Variants in ABCC1 observed in about 807,000 individuals in gnomAD.
ABCC1 encodes ATP binding cassette subfamily C member 1 (ABCC1 blood group).
A neutral mutation model predicts 172.9 loss-of-function variants in ABCC1; 83 were observed. The observed-to-expected ratio is 0.48, with a 90% CI of 0.40 to 0.58. The LOEUF (loss-of-function observed/expected upper bound fraction) is 0.58. ABCC1 is among the 20% of genes least tolerant of loss of function. The pLI, the probability that ABCC1 is intolerant of heterozygous loss-of-function variation, is 0.00. For missense variants in ABCC1, 1,817 were observed against 2,002.7 expected (o/e 0.91, Z 1.77); for synonymous variants, 937 against 825.2 (o/e 1.14, Z -2.32).
intron 1 of ABCC1, among the ~76,000 whole-genome samples, chr16:15,951,313 T>C (rs1168732729): frequency 6.6e-6 from 1 of 152,222 alleles, no homozygotes. Flanking sequence ...AATTGGTAGT[T>C]GATGGCTAAT....
At chr16:16,067,429 A>G (rs1336983388) in intron 12 of ABCC1, among the ~76,000 whole-genome samples, 1 of 152,132 alleles carries the variant, frequency 6.6e-6, no homozygotes, top group Admixed American at 6.6e-5. Flanking sequence ...ATTTGGACCA[A>G]ATCTTCCAAC....
intron 22 of ABCC1, among the ~76,000 whole-genome samples, chr16:16,114,323 A>T (rs1447552456): frequency 6.6e-6 from 1 of 151,982 alleles, no homozygotes; most frequent in East Asian, 1.9e-4. Context: ...AGCTGCCATT[A>T]TCATCATCAT....
At chr16:16,012,822 A>G (rs943609230) in intron 3 of ABCC1, among the ~76,000 whole-genome samples, 1 of 151,740 alleles carries the variant, frequency 6.6e-6, no homozygotes, top group Non-Finnish European at 1.5e-5. Context: ...AACTGGGATT[A>G]CAGGCACGCG....
At chr16:16,048,686 GTCT>G (rs796766342) in intron 10 of ABCC1, among the ~76,000 whole-genome samples, 9 of 152,240 alleles carry the variant, frequency 5.9e-5, no homozygotes, top group African/African-American at 1.9e-4. Flanking sequence ...ATATAAATCT[GTCT>G]TAAAGTAGCC....
intron 24 of ABCC1, among the ~76,000 whole-genome samples, chr16:16,123,165 T>G (rs2045241865): frequency 6.6e-6 from 1 of 152,144 alleles, no homozygotes; most frequent in East Asian, 1.9e-4. Context: ...TCAGAATTTT[T>G]AGGGAGTTTG....
At chr16:16,074,468 G>A (rs1005122290) in intron 14 of ABCC1, among the ~76,000 whole-genome samples, 1 of 152,092 alleles carries the variant, frequency 6.6e-6, no homozygotes, top group African/African-American at 2.4e-5. Flanking sequence ...GCGGTGGGTG[G>A]GGGGTGGTTT....
At chr16:16,026,465 C>CTTTTTTTTTTTTTTT (rs1157942197) in intron 5 of ABCC1, among the ~76,000 whole-genome samples, 1 of 95,498 alleles carries the variant, frequency 1.0e-5, no homozygotes, top group African/African-American at 4.1e-5. Context: ...AGGCTATTTC[C>CTTTTTTTTTTTTTTT]TTTTTTTTTT....
intron 27 of ABCC1, among the ~76,000 whole-genome samples, chr16:16,133,407 G>GTT (rs2045784397): frequency 7.0e-6 from 1 of 143,696 alleles, no homozygotes; most frequent in Non-Finnish European, 1.5e-5. Flanking sequence ...TTTTTGTTTT[G>GTT]TTTTGTTTTG....
chr16:15,959,583 C>A (rs1567274035), intron 1 of ABCC1, among the ~76,000 whole-genome samples: 6 of 152,224 alleles, frequency 3.9e-5, no homozygotes, highest in Admixed American at 2.6e-4. Flanking sequence ...GCCTCGGCCT[C>A]CCAAAGTGCT....
intron 1 of ABCC1, among the ~76,000 whole-genome samples, chr16:15,987,707 C>T (rs1436504068): frequency 6.6e-6 from 1 of 152,216 alleles, no homozygotes; most frequent in Non-Finnish European, 1.5e-5. Context: ...CTCAGGTCAC[C>T]CTGCGTGAAA....
At chr16:16,103,388 TG>T (rs1221194871) in intron 20 of ABCC1, among the ~76,000 whole-genome samples, 2 of 152,092 alleles carry the variant, frequency 1.3e-5, no homozygotes, top group Non-Finnish European at 2.9e-5. Context: ...AAGACCAGCC[TG>T]GCCAACATGA....
At chr16:16,128,732 C>T (rs1032294329) in intron 26 of ABCC1, among the ~76,000 whole-genome samples, 4 of 152,208 alleles carry the variant, frequency 2.6e-5, no homozygotes, top group Non-Finnish European at 4.4e-5. Context: ...GACACAGTGG[C>T]CCACGCCTGC....
At chr16:15,990,203 T>G (rs536749425) in intron 1 of ABCC1, among the ~76,000 whole-genome samples, 1 of 152,216 alleles carries the variant, frequency 6.6e-6, no homozygotes, top group South Asian at 2.1e-4. Context: ...TACAGGCGTC[T>G]GCCACCACAC....
At chr16:15,974,666 T>C (rs1178383913) in intron 1 of ABCC1, among the ~76,000 whole-genome samples, 1 of 152,132 alleles carries the variant, frequency 6.6e-6, no homozygotes, top group Non-Finnish European at 1.5e-5. Context: ...GATATAAAAA[T>C]GTAGCCAGCA....
In ABCC1 at chr16:15,949,783, G is replaced by T. The variant is rs953725451; in HGVS notation, c.32G>T (p.Gly11Val). The change falls in exon 1 of 31, where the codon GGC (glycine) becomes GTC (valine). Residue 11 changes from glycine (G) to valine (V), a missense_variant. By Grantham distance (109) the Gly-to-Val change is moderately radical (BLOSUM62 -3). This residue lies in a region of ABCC1 where 398 missense variants were observed against 384.2 expected (regional missense o/e 1.04). Coordinates refer to ENST00000399410, the MANE Select transcript of ABCC1 (RefSeq NM_004996.4). MALRGFCSAD[G>V]SDPLWDWNVT... is the part of the protein sequence containing the mutation. ...CTCCGGGGCTTCTGCAGCGCCGATGGCTCCGACCCGCTCTGGGTACGTGCC... is the reference window on the plus strand; with the variant it reads ...CTCCGGGGCTTCTGCAGCGCCGATGTCTCCGACCCGCTCTGGGTACGTGCC... The T allele has an allele frequency of 9.2e-6, 11 of 1,195,134 alleles. No individual in the cohort carries two copies. The African/African-American group carries it at 1.4e-4, about 16-fold the overall frequency. 74.0% of individuals were successfully genotyped at this position (1,195,134 alleles called of 1,614,324 possible).
At chr16:16,048,337 G>A (rs2049300317) in intron 10 of ABCC1, 34 bp downstream of exon 10, 1 of 1,611,150 alleles carries the variant, frequency 6.2e-7, no homozygotes, top group Non-Finnish European at 8.5e-7. Flanking sequence ...TTTGCATGCA[G>A]GGAGGGACTT....
At chr16:16,009,592 G>T (rs1050979951) in intron 2 of ABCC1, among the ~76,000 whole-genome samples, 184 bp from the exon 3 acceptor site, 1 of 152,184 alleles carries the variant, frequency 6.6e-6, no homozygotes, top group Admixed American at 6.5e-5. Flanking sequence ...TGCCGGCCTG[G>T]ATGCCAGCTC....
At chr16:16,010,434 G>C (rs893307931) in intron 3 of ABCC1, among the ~76,000 whole-genome samples, 1 of 152,172 alleles carries the variant, frequency 6.6e-6, no homozygotes, top group Admixed American at 6.5e-5. Context: ...TTGAGTGGCA[G>C]ATGCCCCCTT....
chr16:16,109,365 C>T (rs563206544), intron 21 of ABCC1, among the ~76,000 whole-genome samples: 11 of 152,050 alleles, frequency 7.2e-5, no homozygotes, highest in African/African-American at 2.7e-4. Context: ...TTTGTAGAGA[C>T]AGGGTCTTAC....
Sources: gnomAD v4.1 joint callset for allele counts (sites outside exome capture counted in the v4.1 genomes callset) on GRCh38, gnomAD v4.1.1 for gene constraint, gnomAD v4.1.1 regional missense constraint, MANE v1.5 for transcripts, NCBI Gene and HGNC (gene_info 2026-07-23, HGNC 2026-07-21) for gene names.